CDK11B: variants seen among roughly 807,000 people sequenced by gnomAD.
CDK11B encodes the protein cyclin-dependent kinase 11B.
Under a neutral mutation model 84.0 loss-of-function variants are expected in CDK11B, and 37 were observed. The ratio of observed to expected loss-of-function variants is 0.44; its 90% CI spans 0.34 to 0.58. The LOEUF (loss-of-function observed/expected upper bound fraction) is 0.58, where lower values mean the gene tolerates loss of function less well. Ranked by LOEUF, CDK11B falls within the 20% of genes least tolerant of loss-of-function variation. CDK11B has a pLI of 0.02. For synonymous variants in CDK11B, 269 were observed against 309.8 expected, an observed-to-expected ratio of 0.87 and a Z score of 1.38; for missense variants, 427 against 834.0, an observed-to-expected ratio of 0.51 and a Z score of 6.01.
At position 1,637,638 on chromosome 1, in the gene CDK11B, G is replaced by A. The variant is rs1044503836; in HGVS notation, c.1464+124C>T. On this transcript the variant is annotated intron_variant, in intron 13 of 19. Coordinates refer to ENST00000341832, the MANE Select transcript of CDK11B (RefSeq NM_033486.3). ...ACCCGGGAGGCAAATGCTTGCTTCT[G>A]TGTGGTCTGTGAAGGGCTCCACTAA... The A allele has an allele frequency of 1.7e-5, 27 of 1,608,510 alleles. No homozygotes were observed. In the East Asian group the frequency reaches 5.1e-4, roughly 31 times the overall value.
chr1:1,655,807 C>T (rs957218793), intron 2 of CDK11B, among the ~76,000 whole-genome samples: 3 of 151,710 alleles, frequency 2.0e-5, no homozygotes, highest in Non-Finnish European at 4.4e-5. Flanking sequence ...TGCTTGAACC[C>T]GGGAGGCGGA....
chr1:1,639,430 A>G lies in CDK11B; in HGVS notation c.1252-840T>C, dbSNP rs1007724376. Reference sequence around the variant, plus strand: ...AGACCCAGTCTCCAAAAAAAAAGCCATCCCAAGAGTCTCTTTGTCAAACTG... The same window carrying G: ...AGACCCAGTCTCCAAAAAAAAAGCCGTCCCAAGAGTCTCTTTGTCAAACTG... On this transcript the variant is annotated intron_variant, in intron 11 of 19. Coordinates refer to ENST00000341832, the MANE Select transcript of CDK11B (RefSeq NM_033486.3). Among the ~76,000 whole-genome samples, 21 of 151,636 alleles carry G rather than the reference A, an allele frequency of 1.4e-4. 2 individuals carry two copies. Among genetic ancestry groups the G allele is most frequent in the Non-Finnish European group, 2.9e-4 (20 of 67,862 alleles).
intron 4 of CDK11B, among the ~76,000 whole-genome samples, chr1:1,651,078 T>C (rs1641944334): frequency 1.3e-5 from 2 of 152,222 alleles, no homozygotes; most frequent in African/African-American, 4.8e-5. Flanking sequence ...AGTGTATTTA[T>C]AATCATGACA....
rs1419660807 is a variant in CDK11B, at chr1:1,635,703, C to T, written c.*61G>A. On this transcript the variant is annotated 3_prime_UTR_variant, in exon 20 of 20. Transcript: ENST00000341832. ...TTCCGAGTCTCATCGCAGCTCCAGC[C>T]GCAGTAGCCACGCCTGTGGTCCCGG... The T allele has an allele frequency of 9.2e-5, 11 of 119,494 alleles. No individual in the cohort carries two copies. In the African/African-American group the frequency reaches 1.8e-3, roughly 20 times the overall value. 7.4% of individuals were successfully genotyped at this position (119,494 alleles called of 1,614,324 possible). A position where few individuals can be genotyped will look rare whatever the true frequency, so the allele number is the denominator to read the frequency against.
intron 14 of CDK11B, 91 bp downstream of exon 14, chr1:1,637,317 A>G (rs1570012495): frequency 6.4e-7 from 1 of 1,568,060 alleles, no homozygotes; most frequent in Non-Finnish European, 8.7e-7. Flanking sequence ...CTGTGGATGC[A>G]GCTGGCCCTC....
Position 1,657,369 on chromosome 1 carries a change from G to C in CDK11B, c.111+6C>G. 1 of 1,613,122 alleles carries C rather than the reference G, an allele frequency of 6.2e-7. No homozygotes were observed. The highest frequency in any genetic ancestry group is 8.5e-7 in the Non-Finnish European group (1 of 1,179,560). On this transcript the variant is annotated splice_donor_region_variant and intron_variant, in intron 2 of 19. Transcript: ENST00000341832. ...GAAAACCACTTACTTAAAAAATATG[G>C]CTTACATTTTTTAAGCGTTTTATCT...
chr1:1,644,865 T>G (rs981645574), intron 6 of CDK11B, among the ~76,000 whole-genome samples: 5 of 148,592 alleles, frequency 3.4e-5, no homozygotes, highest in African/African-American at 1.3e-4. Flanking sequence ...TGGTGGCGGG[T>G]GCCTGTAATC....
rs534759258 is a variant in CDK11B, at chr1:1,638,717, G to A, written c.1252-127C>T. ...GGCAGAGCCTTGGGACTGGGCCGGG[G>A]GTGGAGCCGGGAGCAGCTCAGTTCT... On this transcript the variant is annotated intron_variant, in intron 11 of 19. Transcript: ENST00000341832. The A allele has an allele frequency of 1.1e-4, 98 of 903,526 alleles. No homozygotes were observed. In the African/African-American group the frequency reaches 1.4e-3, roughly 13 times the overall value. The allele number at this position is 903,526 out of a possible 1,614,324, so 56.0% of individuals were successfully genotyped here.
intron 11 of CDK11B, among the ~76,000 whole-genome samples, chr1:1,639,639 A>T (rs1227580353): frequency 6.6e-6 from 1 of 151,836 alleles, no homozygotes; most frequent in Non-Finnish European, 1.5e-5. Context: ...TAAGGGGCAG[A>T]GGCGCTCACA....
chr1:1,657,610 G>A, intron 1 of CDK11B, 112 bp from the exon 2 acceptor site: 3 of 110,052 alleles, frequency 2.7e-5, no homozygotes, highest in Non-Finnish European at 4.8e-5. Flanking sequence ...TTAAGAATAA[G>A]AAGTTGTGCC....
intron 5 of CDK11B, chr1:1,645,931 CGA>C (rs1641034534): frequency 5.7e-6 from 2 of 353,672 alleles, no homozygotes; most frequent in African/African-American, 4.3e-5. Flanking sequence ...CTCCATCTCA[CGA>C]GTTCAAGTGA....
chr1:1,637,020 G>T lies in CDK11B; in HGVS notation c.1693-16C>A, dbSNP rs1362353693. ...AGTCACCCACCTGCAACGACAGATG[G>T]GCGGCTGTGAGTGGGCCCCGGCAGG... On this transcript the variant is annotated splice_polypyrimidine_tract_variant and intron_variant, in intron 15 of 19. Coordinates refer to ENST00000341832, the MANE Select transcript of CDK11B (RefSeq NM_033486.3). The T allele has an allele frequency of 6.2e-7, 1 of 1,613,088 alleles. No homozygotes were observed. Among genetic ancestry groups the T allele is most frequent in the East Asian group, 2.2e-5 (1 of 44,870 alleles).
chr1:1,653,825 T>TACACACACACACACACACAC (rs782129056), intron 3 of CDK11B, among the ~76,000 whole-genome samples: 8 of 121,842 alleles, frequency 6.6e-5, no homozygotes, highest in South Asian at 2.8e-4. Flanking sequence ...CTACTAAAAA[T>TACACACACACACACACACAC]ACACACACAC....
chr1:1,650,281 A>AAAAAAAAAAAAAAAAAAAAAAAAAAAG (rs1641798674), intron 4 of CDK11B, among the ~76,000 whole-genome samples: 5 of 147,412 alleles, frequency 3.4e-5, no homozygotes, highest in Non-Finnish European at 7.6e-5. Context: ...AAAAAAAAAA[A>AAAAAAAAAAAAAAAAAAAAAAAAAAAG]AAAGAAATTA....
At chr1:1,646,441 T>C (rs1641126888) in intron 5 of CDK11B, 1 of 520,030 alleles carries the variant, frequency 1.9e-6, no homozygotes, top group Non-Finnish European at 3.9e-6. Flanking sequence ...AATATAAAAC[T>C]GTTGTAACAC....
chr1:1,657,924 AAAG>A (rs1642980470), intron 1 of CDK11B, among the ~76,000 whole-genome samples: 2 of 139,686 alleles, frequency 1.4e-5, no homozygotes, highest in Non-Finnish European at 1.5e-5. Context: ...AAAAAAAAAA[AAAG>A]TAAGCTCTAG....
intron 1 of CDK11B, among the ~76,000 whole-genome samples, chr1:1,658,383 A>G (rs1482013368): frequency 1.3e-5 from 2 of 150,036 alleles, no homozygotes. Context: ...CGTTTCTGTC[A>G]TTCTTGTATG....
rs1413310026 is a variant in CDK11B, at chr1:1,649,558, G to A, written c.435C>T (p.Arg145=). Residue 145 remains arginine, a synonymous_variant, in exon 5 of 20, where the codon CGC becomes CGT. Transcript: ENST00000341832. ...TTCTCTTCTGTCTTTCCCATTCCCG[G>A]CGAGCTTTATCCTGTTCTTCTCGAT... The part of the protein sequence containing the change: ...KRHREEQDKA[R]REWERQKRRE... 15 of 1,604,622 alleles carry A rather than the reference G, an allele frequency of 9.3e-6. No homozygotes were observed. In the East Asian group the frequency reaches 2.7e-4, roughly 29 times the overall value.
At chr1:1,640,934 C>T (rs1291685690) in intron 10 of CDK11B, 114 bp downstream of exon 10, 19 of 1,476,622 alleles carry the variant, frequency 1.3e-5, no homozygotes, top group Admixed American at 6.7e-5. Flanking sequence ...ACGAATCAGG[C>T]GGCCTCCCAG....
Sources: allele counts gnomAD v4.1 joint callset (sites outside exome capture counted in the v4.1 genomes callset), GRCh38; gene constraint gnomAD v4.1.1; transcripts MANE v1.5; gene names NCBI Gene and HGNC (gene_info 2026-07-23, HGNC 2026-07-21).